Variants in ST3GAL3 observed in about 807,000 individuals in gnomAD.
ST3GAL3 encodes ST3 beta-galactoside alpha-2,3-sialyltransferase 3.
ST3GAL3 carries 21 observed loss-of-function variants against 50.1 expected under a neutral mutation model. The observed-to-expected ratio is 0.42, with a 90% CI of 0.30 to 0.60. ST3GAL3 has a LOEUF of 0.60. ST3GAL3 is among the 20% of genes least tolerant of loss of function. The pLI, the probability that ST3GAL3 is intolerant of heterozygous loss-of-function variation, is 0.19. For missense variants in ST3GAL3, 353 were observed against 489.4 expected, an observed-to-expected ratio of 0.72 and a Z score of 2.63; for synonymous variants, 183 against 190.0, an observed-to-expected ratio of 0.96 and a Z score of 0.30.
chr1:43,825,006 G>A (rs1184463806), intron 4 of ST3GAL3: 1 of 701,214 alleles, frequency 1.4e-6, no homozygotes, highest in Admixed American at 2.0e-5. Flanking sequence ...AAATCTGCCT[G>A]TACATAGGAG....
intron 5 of ST3GAL3, among the ~76,000 whole-genome samples, chr1:43,893,324 A>G (rs1199308182): frequency 1.3e-5 from 2 of 152,240 alleles, no homozygotes; most frequent in Non-Finnish European, 2.9e-5. Context: ...CCAGGCCTCC[A>G]CACATTCATT....
intron 1 of ST3GAL3, among the ~76,000 whole-genome samples, chr1:43,708,669 C>A (rs1008072044): frequency 2.6e-5 from 4 of 152,172 alleles, no homozygotes; most frequent in Non-Finnish European, 5.9e-5. Flanking sequence ...TTCAAATAAT[C>A]TCTTAAGGCA....
intron 4 of ST3GAL3, chr1:43,824,586 C>T: frequency 2.1e-6 from 2 of 940,860 alleles, no homozygotes; most frequent in Non-Finnish European, 3.4e-6. Context: ...TACTTCACAA[C>T]AGGAGAGCAT....
chr1:43,780,301 A>C (rs896347931), intron 2 of ST3GAL3, among the ~76,000 whole-genome samples: 2 of 152,022 alleles, frequency 1.3e-5, no homozygotes, highest in African/African-American at 4.8e-5. Flanking sequence ...TCTTAATGCT[A>C]TTCTGATTTT....
intron 2 of ST3GAL3, among the ~76,000 whole-genome samples, chr1:43,762,151 G>C (rs1690721301): frequency 1.3e-5 from 2 of 150,142 alleles, no homozygotes; most frequent in African/African-American, 4.9e-5. Flanking sequence ...CGTGCCTATA[G>C]TCCCAGCCAC....
intron 5 of ST3GAL3, among the ~76,000 whole-genome samples, chr1:43,843,386 T>C (rs1180475206): frequency 6.6e-6 from 1 of 152,174 alleles, no homozygotes; most frequent in African/African-American, 2.4e-5. Context: ...CATTGATTGG[T>C]TTTTTCTCAT....
chr1:43,917,466 A>AATATATAAT (rs1184846244), intron 9 of ST3GAL3, among the ~76,000 whole-genome samples: 2 of 90,534 alleles, frequency 2.2e-5, no homozygotes, highest in African/African-American at 8.7e-5. Context: ...TAATATATAT[A>AATATATAAT]ATATATAATA....
chr1:43,759,911 A>G (rs1445562600), intron 2 of ST3GAL3, among the ~76,000 whole-genome samples: 1 of 152,206 alleles, frequency 6.6e-6, no homozygotes, highest in Non-Finnish European at 1.5e-5. Flanking sequence ...CAGAAGGATC[A>G]CTTGAGGCCA....
At chr1:43,829,713 A>G (rs1459301323) in intron 4 of ST3GAL3, among the ~76,000 whole-genome samples, 3 of 152,176 alleles carry the variant, frequency 2.0e-5, no homozygotes. Flanking sequence ...TTTTCTTGAC[A>G]GTACCTCCTC....
chr1:43,813,885 A>ACACACACACACG (rs1553345555), intron 3 of ST3GAL3, among the ~76,000 whole-genome samples: 3 of 39,624 alleles, frequency 7.6e-5, no homozygotes, highest in African/African-American at 1.5e-4. Flanking sequence ...ACACACACAC[A>ACACACACACACG]CACACACACG....
chr1:43,837,609 C>T lies in ST3GAL3; in HGVS notation c.210-610C>T, dbSNP rs568392578. ...GCTGTATTCTATGAACTCCAAGCAC[C>T]ACTCCCCCGGGTATTGGAGCCTTGA... is the stretch of plus-strand genomic sequence containing the variant. On this transcript the variant is annotated intron_variant, in intron 4 of 11. Coordinates refer to ENST00000347631, the MANE Select transcript of ST3GAL3 (RefSeq NM_006279.5). Among the ~76,000 whole-genome samples, 11 of 152,298 alleles carry T rather than the reference C, an allele frequency of 7.2e-5. No individual in the cohort carries two copies. In the East Asian group the frequency reaches 2.1e-3, roughly 29 times the overall value.
intron 5 of ST3GAL3, among the ~76,000 whole-genome samples, chr1:43,869,138 C>T (rs2072032010): frequency 6.6e-6 from 1 of 152,106 alleles, no homozygotes; most frequent in African/African-American, 2.4e-5. Flanking sequence ...ATTACCTAGT[C>T]CATTCCCCAC....
intron 3 of ST3GAL3, among the ~76,000 whole-genome samples, chr1:43,810,084 C>T (rs574477410): frequency 2.6e-5 from 4 of 151,714 alleles, no homozygotes; most frequent in South Asian, 4.2e-4. Context: ...CACTGGTGAG[C>T]TATGGGACTT....
intron 4 of ST3GAL3, among the ~76,000 whole-genome samples, chr1:43,825,731 A>T (rs72886888): frequency 1.3e-5 from 2 of 152,140 alleles, no homozygotes; most frequent in African/African-American, 4.8e-5. Context: ...TTTGACCCTT[A>T]GGAAAATGTT....
intron 5 of ST3GAL3, among the ~76,000 whole-genome samples, chr1:43,845,798 G>C (rs563900569): frequency 3.3e-5 from 5 of 150,898 alleles, no homozygotes. Flanking sequence ...TCTATATATT[G>C]CATTGACTAC....
intron 2 of ST3GAL3, among the ~76,000 whole-genome samples, chr1:43,751,635 A>G (rs926416161): frequency 3.9e-5 from 6 of 152,226 alleles, no homozygotes; most frequent in African/African-American, 1.4e-4. Context: ...GTATACAGAT[A>G]GGTCAATCCC....
intron 5 of ST3GAL3, among the ~76,000 whole-genome samples, chr1:43,869,552 C>T (rs2072135973): frequency 6.6e-6 from 1 of 152,142 alleles, no homozygotes; most frequent in Non-Finnish European, 1.5e-5. Context: ...ATTTTTGATG[C>T]TCCTCATAAT....
At chr1:43,850,177 C>T (rs1369034945) in intron 5 of ST3GAL3, 1 of 218,606 alleles carries the variant, frequency 4.6e-6, no homozygotes, top group Non-Finnish European at 9.4e-6. Flanking sequence ...AAAAGAAAAC[C>T]CCTCAAAGGA....
chr1:43,826,909 TA>T (rs1199044440), intron 4 of ST3GAL3, among the ~76,000 whole-genome samples: 1 of 152,178 alleles, frequency 6.6e-6, no homozygotes, highest in East Asian at 1.9e-4. Context: ...TCATGATTTT[TA>T]AAAAAACTAT....
Sources: gnomAD v4.1 joint callset for allele counts (sites outside exome capture counted in the v4.1 genomes callset) on GRCh38, gnomAD v4.1.1 for gene constraint, MANE v1.5 for transcripts, NCBI Gene and HGNC (gene_info 2026-07-23, HGNC 2026-07-21) for gene names.